Variants in FHOD3 observed in about 807,000 individuals in gnomAD.
FHOD3 encodes the protein FH1/FH2 domain-containing protein 3.
A neutral mutation model predicts 173.0 loss-of-function variants in FHOD3; 90 were observed. The ratio of observed to expected loss-of-function variants is 0.52; its 90% confidence interval spans 0.44 to 0.62. The LOEUF (loss-of-function observed/expected upper bound fraction) is 0.62. FHOD3 is among the 20% of genes least tolerant of loss of function. The pLI is 0.00. For synonymous variants in FHOD3, 828 were observed against 823.0 expected (o/e 1.01, Z -0.10); for missense variants, 1,945 against 2,034.7 (o/e 0.96, Z 0.85).
intron 3 of FHOD3, among the ~76,000 whole-genome samples, chr18:36,413,747 G>A (rs1207894067): frequency 2.0e-5 from 3 of 152,186 alleles, no homozygotes; most frequent in Non-Finnish European, 2.9e-5. Context: ...TCTTAGTGTA[G>A]TAAAATATAC....
At chr18:36,638,237 G>A (rs189778912) in intron 10 of FHOD3, among the ~76,000 whole-genome samples, 19 of 152,356 alleles carry the variant, frequency 1.2e-4, no homozygotes, top group Non-Finnish European at 2.5e-4. Context: ...GATGAGAAGA[G>A]TAAGAGAAGA....
rs59057787 is a variant in FHOD3 at position 36,629,516 on chromosome 18, A to T, written c.1196+3767A>T. ...CCCAAGGGTCTGGGTTTCTTGAGGG[A>T]GGTTGGGGGAAATTGGCAAAGGAGA... On this transcript the variant is annotated intron_variant, in intron 10 of 28. Transcript: ENST00000590592. Among the ~76,000 whole-genome samples the T allele has an allele frequency of 5.3e-3, 805 of 152,228 alleles. 10 individuals are homozygous for T. Among genetic ancestry groups the T allele is most frequent in the African/African-American group, 0.018 (765 of 41,552 alleles).
At chr18:36,649,053 A>T (rs945231625) in intron 10 of FHOD3, among the ~76,000 whole-genome samples, 5 of 152,310 alleles carry the variant, frequency 3.3e-5, no homozygotes, top group Admixed American at 3.3e-4. Context: ...AGCCAGCTTG[A>T]CAAAGAAATT....
At chr18:36,348,383 A>G (rs1029988086) in intron 1 of FHOD3, among the ~76,000 whole-genome samples, 6 of 152,204 alleles carry the variant, frequency 3.9e-5, no homozygotes, top group African/African-American at 1.2e-4. Flanking sequence ...CCCATAGTCA[A>G]GCTGGCCCTG....
chr18:36,625,679 G>GC lies in FHOD3; in HGVS notation c.1131dup (p.Thr378HisfsTer21). The GC allele has an allele frequency of 6.2e-7, 1 of 1,611,780 alleles. No individual in the cohort carries two copies. Among genetic ancestry groups the GC allele is most frequent in the Non-Finnish European group, 8.5e-7 (1 of 1,178,744 alleles). On this transcript the variant is annotated frameshift_variant, in exon 10 of 29. Coordinates refer to ENST00000590592, the MANE Select transcript of FHOD3 (RefSeq NM_001281740.3). LOFTEE classifies it high-confidence loss of function. ...GCAGAGCATCAAGAGCACCCTGTCGGCCCCCACCAGTCCCTGCTCCCAGTC... is the reference window on the plus strand; with the variant it reads ...GCAGAGCATCAAGAGCACCCTGTCGGCCCCCCACCAGTCCCTGCTCCCAGTC...
chr18:36,515,186 A>G (rs1247911024), intron 5 of FHOD3, among the ~76,000 whole-genome samples: 1 of 152,120 alleles, frequency 6.6e-6, no homozygotes, highest in Non-Finnish European at 1.5e-5. Flanking sequence ...ACCTTAGTGA[A>G]TATTTACCAT....
chr18:36,305,143 C>A (rs532783168), intron 1 of FHOD3, among the ~76,000 whole-genome samples: 107 of 152,244 alleles, frequency 7.0e-4, no homozygotes, highest in African/African-American at 2.6e-3. Context: ...AAAAAATTAT[C>A]ACCAATCTGC....
intron 10 of FHOD3, among the ~76,000 whole-genome samples, chr18:36,640,449 A>G (rs1446858032): frequency 6.6e-6 from 1 of 152,252 alleles, no homozygotes; most frequent in Non-Finnish European, 1.5e-5. Flanking sequence ...TAAAGTTAAC[A>G]GAAAGTGTGA....
chr18:36,389,335 T>C (rs372335980), intron 3 of FHOD3, among the ~76,000 whole-genome samples: 2 of 152,190 alleles, frequency 1.3e-5, no homozygotes, highest in South Asian at 4.1e-4. Flanking sequence ...CACCCCGCCA[T>C]TGTGGTGCCT....
At chr18:36,728,508 A>G (rs921104175) in intron 19 of FHOD3, among the ~76,000 whole-genome samples, 1 of 151,994 alleles carries the variant, frequency 6.6e-6, no homozygotes, top group Non-Finnish European at 1.5e-5. Flanking sequence ...CAGTGTTCAA[A>G]GCTGACAACT....
intron 3 of FHOD3, among the ~76,000 whole-genome samples, chr18:36,467,600 C>T (rs2053020847): frequency 6.6e-6 from 1 of 152,130 alleles, no homozygotes; most frequent in Non-Finnish European, 1.5e-5. Context: ...CAAATCCCAG[C>T]TCAGGTGAGA....
chr18:36,577,614 T>A (rs1455700381), intron 6 of FHOD3, among the ~76,000 whole-genome samples: 12 of 152,244 alleles, frequency 7.9e-5, no homozygotes, highest in Non-Finnish European at 1.5e-4. Flanking sequence ...ACTAGGTGTT[T>A]TATAAGCGTG....
chr18:36,373,728 A>G (rs557747672), intron 3 of FHOD3, among the ~76,000 whole-genome samples: 24 of 152,368 alleles, frequency 1.6e-4, no homozygotes, highest in African/African-American at 4.3e-4. Context: ...GAAACAAAGT[A>G]AGATCTGTAG....
chr18:36,464,401 C>G (rs565722107), intron 3 of FHOD3, among the ~76,000 whole-genome samples: 1 of 152,094 alleles, frequency 6.6e-6, no homozygotes, highest in Non-Finnish European at 1.5e-5. Flanking sequence ...CGGGGCAGAC[C>G]TCTGGATACT....
At chr18:36,591,964 A>G (rs2059232618) in intron 6 of FHOD3, among the ~76,000 whole-genome samples, 1 of 152,138 alleles carries the variant, frequency 6.6e-6, no homozygotes, top group South Asian at 2.1e-4. Flanking sequence ...CATGCCTGTA[A>G]TCCCAGCACT....
At chr18:36,441,299 G>A (rs2051133458) in intron 3 of FHOD3, among the ~76,000 whole-genome samples, 1 of 152,194 alleles carries the variant, frequency 6.6e-6, no homozygotes, top group South Asian at 2.1e-4. Flanking sequence ...CAGACCCTGG[G>A]CAAATTCAGA....
At position 36,709,336 on chromosome 18, in the gene FHOD3, C is replaced by T; in HGVS notation, c.2478C>T (p.Ser826=). ...CTGCCTCCAGCGTCTCGTCCTCCAG[C>T]AGCACGTTGGAGAGGGAGGAGAAGG... ...NCSASSVSSS[S]STLEREEKED... The change falls in exon 18 of 29, where the codon AGC becomes AGT. Residue 826 remains serine (S), a synonymous_variant. Transcript: ENST00000590592. The T allele has an allele frequency of 6.2e-7, 1 of 1,614,252 alleles. No individual in the cohort carries two copies. The highest frequency in any genetic ancestry group is 1.3e-5 in the African/African-American group (1 of 75,074).
At chr18:36,712,161 T>C (rs1017302926) in intron 18 of FHOD3, among the ~76,000 whole-genome samples, 4 of 152,082 alleles carry the variant, frequency 2.6e-5, no homozygotes, top group African/African-American at 9.7e-5. Flanking sequence ...AGCTAATAGA[T>C]TAGATAGGAG....
intron 6 of FHOD3, among the ~76,000 whole-genome samples, chr18:36,579,386 T>C (rs2058766298): frequency 6.6e-6 from 1 of 152,228 alleles, no homozygotes; most frequent in Admixed American, 6.5e-5. Flanking sequence ...GACAGTCTGT[T>C]AGCTCATCAC....
Sources: gnomAD v4.1 joint callset for allele counts (sites outside exome capture counted in the v4.1 genomes callset) on GRCh38, gnomAD v4.1.1 for gene constraint, MANE v1.5 for transcripts, NCBI Gene and HGNC (gene_info 2026-07-23, HGNC 2026-07-21) for gene names.